The following SMIM28 variants were observed in gnomAD, a reference collection of about 807,000 sequenced individuals.
SMIM28 encodes small integral membrane protein 28.
Position 138,383,314 on chromosome 6 carries a change from T to G in SMIM28, c.*467T>G, listed in dbSNP as rs557280041. On this transcript the variant is annotated 3_prime_UTR_variant, in exon 2 of 2. Transcript: ENST00000573100. ...TTCAGGGTTTCATGGTTTGTTTCACTTCTGTATGAATGCTCCAAGATATAG... is the reference window on the plus strand; with the variant it reads ...TTCAGGGTTTCATGGTTTGTTTCACGTCTGTATGAATGCTCCAAGATATAG... Among the ~76,000 whole-genome samples the G allele has an allele frequency of 3.3e-5, 5 of 152,374 alleles. No homozygotes were observed. Among genetic ancestry groups the G allele is most frequent in the African/African-American group, 9.6e-5 (4 of 41,590 alleles).
chr6:138,380,878 C>G (rs1774304870), intron 1 of SMIM28, among the ~76,000 whole-genome samples: 1 of 152,034 alleles, frequency 6.6e-6, no homozygotes, highest in South Asian at 2.1e-4. Flanking sequence ...AACCTCATCT[C>G]TCATAGTTTA....
At chr6:138,378,391 C>T (rs1001154770) in intron 1 of SMIM28, among the ~76,000 whole-genome samples, 11 of 152,156 alleles carry the variant, frequency 7.2e-5, no homozygotes, top group Admixed American at 2.6e-4. Context: ...TCAAGTAAAA[C>T]TTGGCACAAC....
At position 138,378,148 on chromosome 6, in the gene SMIM28, G is replaced by A. The variant is rs953680772; in HGVS notation, c.76G>A (p.Glu26Lys). ...GRGTYEWLTS[E>K]PGLPLLETQL... is the part of the protein sequence containing the mutation. ...GGGGACATATGAGTGGTTAACCAGCGAGCCCGGCCTGCCTCTCCTGGAGAC... is the reference window on the plus strand; with the variant it reads ...GGGGACATATGAGTGGTTAACCAGCAAGCCCGGCCTGCCTCTCCTGGAGAC... The change falls in exon 1 of 2, where the codon GAG becomes AAG. Residue 26 changes from glutamate (E) to lysine (K), a missense_variant. By Grantham distance (56) the Glu-to-Lys change is moderately conservative. Transcript: ENST00000573100. 13 of 398,522 alleles carry A rather than the reference G, an allele frequency of 3.3e-5. No individual in the cohort carries two copies. Among genetic ancestry groups the A allele is most frequent in the Admixed American group, 1.3e-4 (3 of 22,716 alleles). The allele number at this position is 398,522 out of a possible 1,614,324, so 24.7% of individuals were successfully genotyped here.
intron 1 of SMIM28, among the ~76,000 whole-genome samples, chr6:138,381,341 AAGAG>A (rs1488159492): frequency 2.0e-5 from 3 of 152,330 alleles, no homozygotes; most frequent in East Asian, 3.9e-4. Flanking sequence ...TGCTTTATAA[AAGAG>A]AGAAACTTTT....
At position 138,383,110 on chromosome 6, in the gene SMIM28, C is replaced by A; in HGVS notation, c.*263C>A. Reference sequence around the variant, plus strand: ...TTCTTCTAAAGATGACTGCACTCTCCTAAAATGTATAACACTCCTGAGAAA... The same window carrying A: ...TTCTTCTAAAGATGACTGCACTCTCATAAAATGTATAACACTCCTGAGAAA... On this transcript the variant is annotated 3_prime_UTR_variant, in exon 2 of 2. Transcript: ENST00000573100. 3.5e-6 allele frequency: 1 copy of A among 284,454 alleles called. No homozygotes were observed. The highest frequency in any genetic ancestry group is 6.5e-6 in the Non-Finnish European group (1 of 154,348). The allele number at this position is 284,454 out of a possible 1,614,324, so 17.6% of individuals were successfully genotyped here. A position where few individuals can be genotyped will look rare whatever the true frequency, so the allele number is the denominator to read the frequency against.
chr6:138,383,173 C>T lies in SMIM28; in HGVS notation c.*326C>T, dbSNP rs1157324954. 2 of 173,208 alleles carry T rather than the reference C, an allele frequency of 1.2e-5. No individual in the cohort carries two copies. Among genetic ancestry groups the T allele is most frequent in the African/African-American group, 2.5e-5 (1 of 40,798 alleles). The allele number at this position is 173,208 out of a possible 1,614,324, so 10.7% of individuals were successfully genotyped here. ...CTATGTGAGTTGAAAAAAAAAAAAA[C>T]ACTTAATTACTAATGAGCACAGGAA... On this transcript the variant is annotated 3_prime_UTR_variant, in exon 2 of 2. Transcript: ENST00000573100.
chr6:138,378,086 T>G lies in SMIM28; in HGVS notation c.14T>G (p.Leu5Arg). 1 of 398,758 alleles carries G rather than the reference T, an allele frequency of 2.5e-6. No homozygotes were observed. The highest frequency in any genetic ancestry group is 4.4e-6 in the Non-Finnish European group (1 of 226,176). The allele number at this position is 398,758 out of a possible 1,614,324, so 24.7% of individuals were successfully genotyped here. A position where few individuals can be genotyped will look rare whatever the true frequency, so the allele number is the denominator to read the frequency against. Residue 5 changes from leucine to arginine, a missense_variant, in exon 1 of 2, where the codon CTG becomes CGG. Leu to Arg is a moderately radical substitution (Grantham distance 102). Transcript: ENST00000573100. MRGL[L>R]GSSWKKFGHA... ...CTGGATGAAAACATGCGGGGACTGC[T>G]GGGCAGCAGCTGGAAGAAGTTTGGA...
At position 138,380,787 on chromosome 6, in the gene SMIM28, T is replaced by TAAATAAATAAATAAATAAATAAATAAATA. The variant is rs1554213899; in HGVS notation, c.112-1709_112-1708insAAATAAATAAATAAATAAATAAATAAAAT. Among the ~76,000 whole-genome samples the TAAATAAATAAATAAATAAATAAATAAATA allele has an allele frequency of 2.6e-3, 399 of 151,218 alleles. 5 individuals are homozygous for TAAATAAATAAATAAATAAATAAATAAATA. The highest frequency in any genetic ancestry group is 7.6e-3 in the African/African-American group (311 of 40,654). ...GTCTCTAAATAAATAAATACATAAA[T>TAAATAAATAAATAAATAAATAAATAAATA]AAATGCAGGCTAGATAAACCAGTCT... On this transcript the variant is annotated intron_variant, in intron 1 of 1. Coordinates refer to ENST00000573100, the MANE Select transcript of SMIM28 (RefSeq NM_001368163.3).
chr6:138,378,180 G>A lies in SMIM28; in HGVS notation c.108G>A (p.Leu36=). The A allele has an allele frequency of 2.5e-6, 1 of 398,644 alleles. No individual in the cohort carries two copies. The highest frequency in any genetic ancestry group is 4.4e-6 in the Non-Finnish European group (1 of 226,088). 24.7% of individuals were successfully genotyped at this position (398,644 alleles called of 1,614,324 possible). The change falls in exon 1 of 2, where the codon CTG becomes CTA. Residue 36 remains leucine (L), a synonymous_variant. Transcript: ENST00000573100. ...GCCTGCCTCTCCTGGAGACCCAGCT[G>A]CAGGTCTGTACTTATGACTTAAGTC... is the stretch of plus-strand genomic sequence containing the variant. The part of the protein sequence containing the change: ...EPGLPLLETQ[L]QGTQGVSSTQ...
intron 1 of SMIM28, among the ~76,000 whole-genome samples, chr6:138,379,501 A>G (rs1419466994): frequency 6.6e-6 from 1 of 152,210 alleles, no homozygotes; most frequent in African/African-American, 2.4e-5. Context: ...ATTTATGGCC[A>G]CAACTGATCA....
chr6:138,383,159 GAA>G lies in SMIM28; in HGVS notation c.*324_*325del, dbSNP rs112738979. ...AAAAAAGGAAAGTTCTATGTGAGTT[GAA>G]AAAAAAAAAAACACTTAATTACTAA... On this transcript the variant is annotated 3_prime_UTR_variant, in exon 2 of 2. Coordinates refer to ENST00000573100, the MANE Select transcript of SMIM28 (RefSeq NM_001368163.3). 43 of 145,646 alleles carry G rather than the reference GAA, an allele frequency of 3.0e-4. No individual in the cohort carries two copies. The highest frequency in any genetic ancestry group is 2.9e-3 in the Middle Eastern group (1 of 342). 9.0% of individuals were successfully genotyped at this position (145,646 alleles called of 1,614,324 possible).
chr6:138,382,831 G>T lies in SMIM28; in HGVS notation c.443G>T (p.Cys148Phe), dbSNP rs997821809. 1 of 398,702 alleles carries T rather than the reference G, an allele frequency of 2.5e-6. No homozygotes were observed. The highest frequency in any genetic ancestry group is 4.4e-6 in the Non-Finnish European group (1 of 226,140). The allele number at this position is 398,702 out of a possible 1,614,324, so 24.7% of individuals were successfully genotyped here. The change falls in exon 2 of 2, where the codon TGC (cysteine) becomes TTC (phenylalanine). Residue 148 changes from cysteine to phenylalanine, a missense_variant. Transcript: ENST00000573100. ...RNPPGEEAQG[C>F]SPSV ...CCTCCTGGGGAGGAGGCCCAGGGAT[G>T]CAGTCCTTCAGTATGAAAAGGGCTC... is the stretch of plus-strand genomic sequence containing the variant.
In SMIM28 at chr6:138,378,199, T is replaced by G. The variant is rs1774276308; in HGVS notation, c.111+16T>G. ...CCAGCTGCAGGTCTGTACTTATGAC[T>G]TAAGTCTTTTCTTCCCCAAAGCATC... On this transcript the variant is annotated intron_variant, in intron 1 of 1. Coordinates refer to ENST00000573100, the MANE Select transcript of SMIM28 (RefSeq NM_001368163.3). The G allele has an allele frequency of 2.5e-6, 1 of 398,466 alleles. No homozygotes were observed. The highest frequency in any genetic ancestry group is 4.4e-6 in the Non-Finnish European group (1 of 226,048). The allele number at this position is 398,466 out of a possible 1,614,324, so 24.7% of individuals were successfully genotyped here.
At position 138,382,901 on chromosome 6, in the gene SMIM28, C is replaced by T. The variant is rs535968148; in HGVS notation, c.*54C>T. On this transcript the variant is annotated 3_prime_UTR_variant, in exon 2 of 2. Coordinates refer to ENST00000573100, the MANE Select transcript of SMIM28 (RefSeq NM_001368163.3). ...AAATAAACTGCTCTTGGGAATCATA[C>T]AAAACACAGCTCTCCACCTTTAATA... is the stretch of plus-strand genomic sequence containing the variant. 7.5e-6 allele frequency: 3 copies of T among 398,420 alleles called. No individual in the cohort carries two copies. In the South Asian group the frequency reaches 3.9e-4, roughly 52 times the overall value. 24.7% of individuals were successfully genotyped at this position (398,420 alleles called of 1,614,324 possible).
intron 1 of SMIM28, among the ~76,000 whole-genome samples, chr6:138,380,853 CA>C (rs1183143254): frequency 6.6e-6 from 1 of 151,766 alleles, no homozygotes; most frequent in East Asian, 1.9e-4. Context: ...TCCTTTCCAC[CA>C]AAATCAAGGA....
At chr6:138,379,223 G>A (rs1400264353) in intron 1 of SMIM28, among the ~76,000 whole-genome samples, 1 of 152,148 alleles carries the variant, frequency 6.6e-6, no homozygotes, top group Admixed American at 6.5e-5. Flanking sequence ...AAACTCCTTT[G>A]TCTCAAGAAA....
At chr6:138,378,800 C>T (rs1260634297) in intron 1 of SMIM28, among the ~76,000 whole-genome samples, 4 of 151,962 alleles carry the variant, frequency 2.6e-5, no homozygotes, top group Non-Finnish European at 5.9e-5. Context: ...GTGACACCGC[C>T]GACAACACAA....
intron 1 of SMIM28, among the ~76,000 whole-genome samples, chr6:138,378,714 A>G (rs1774283142): frequency 6.6e-6 from 1 of 152,246 alleles, no homozygotes; most frequent in South Asian, 2.1e-4. Flanking sequence ...CAGTCTCCGT[A>G]GGAAGCAGCA....
intron 1 of SMIM28, among the ~76,000 whole-genome samples, chr6:138,379,749 G>A (rs911286684): frequency 3.3e-5 from 5 of 152,050 alleles, no homozygotes; most frequent in African/African-American, 1.2e-4. Flanking sequence ...ACTCCAACTT[G>A]ATTTCTTAAT....
Sources: gnomAD v4.1 joint callset for allele counts (sites outside exome capture counted in the v4.1 genomes callset) on GRCh38, gnomAD v4.1.1 for gene constraint, MANE v1.5 for transcripts, NCBI Gene and HGNC (gene_info 2026-07-23, HGNC 2026-07-21) for gene names.